The following MED28 variants were observed in gnomAD, a reference collection of about 807,000 sequenced individuals.
The protein encoded by MED28 is mediator complex subunit 28.
A neutral mutation model predicts 21.3 loss-of-function variants in MED28; 26 were observed. The ratio of observed to expected loss-of-function variants is 1.22; its 90% CI spans 0.89 to 1.69. MED28 has a LOEUF of 1.69. Ranked by LOEUF, MED28 falls within the 40% of genes most tolerant of loss-of-function variation. The pLI, the probability that MED28 is intolerant of heterozygous loss-of-function variation, is 0.00. For missense variants in MED28, 257 were observed against 215.4 expected, an observed-to-expected ratio of 1.19 and a Z score of -1.21; for synonymous variants, 110 against 87.6, an observed-to-expected ratio of 1.26 and a Z score of -1.43.
intron 2 of MED28, among the ~76,000 whole-genome samples, chr4:17,620,684 C>T (rs1399023343): frequency 7.3e-6 from 1 of 136,844 alleles, no homozygotes; most frequent in Non-Finnish European, 1.5e-5. Flanking sequence ...TGGATCTCTG[C>T]ATTGTCTCTT....
At position 17,626,232 on chromosome 4, in the gene MED28, C is replaced by G. The variant is rs1186417909; in HGVS notation, c.*2434C>G. The G allele has an allele frequency of 2.0e-5, 3 of 152,434 alleles. No homozygotes were observed. Among genetic ancestry groups the G allele is most frequent in the African/African-American group, 7.2e-5 (3 of 41,390 alleles). 9.4% of individuals were successfully genotyped at this position (152,434 alleles called of 1,614,324 possible). A position where few individuals can be genotyped will look rare whatever the true frequency, so the allele number is the denominator to read the frequency against. On this transcript the variant is annotated 3_prime_UTR_variant, in exon 4 of 4. Transcript: ENST00000237380. ...ATCCTGGGCTACAAGAGTGAAACTC[C>G]GTCTCAAAAAAGAAAAAGGAGATGT...
In MED28 at chr4:17,630,085, T is replaced by C. The variant is rs762473663; in HGVS notation, c.*6287T>C. Reference sequence around the variant, plus strand: ...GCAGCAAGAAAGGAGTCAAAACCTATGTACGATCTCAACTAGTAAAATTTT... The same window carrying C: ...GCAGCAAGAAAGGAGTCAAAACCTACGTACGATCTCAACTAGTAAAATTTT... On this transcript the variant is annotated 3_prime_UTR_variant, in exon 4 of 4. Coordinates refer to ENST00000237380, the MANE Select transcript of MED28 (RefSeq NM_025205.5). The C allele has an allele frequency of 4.6e-5, 7 of 152,216 alleles. No individual in the cohort carries two copies. The highest frequency in any genetic ancestry group is 7.2e-5 in the African/African-American group (3 of 41,456). The allele number at this position is 152,216 out of a possible 1,614,324, so 9.4% of individuals were successfully genotyped here. A position where few individuals can be genotyped will look rare whatever the true frequency, so the allele number is the denominator to read the frequency against.
At position 17,629,597 on chromosome 4, in the gene MED28, CCT is replaced by C. The variant is rs1259594057; in HGVS notation, c.*5800_*5801del. The C allele has an allele frequency of 6.6e-6, 1 of 152,086 alleles. No individual in the cohort carries two copies. The highest frequency in any genetic ancestry group is 2.4e-5 in the African/African-American group (1 of 41,396). 9.4% of individuals were successfully genotyped at this position (152,086 alleles called of 1,614,324 possible). A position where few individuals can be genotyped will look rare whatever the true frequency, so the allele number is the denominator to read the frequency against. Reference sequence around the variant, plus strand: ...GCAGGAACATATTAACTCTTCCACCCCTGTCATAATACAGCCTGAAGAGATTT... The same window carrying C: ...GCAGGAACATATTAACTCTTCCACCCGTCATAATACAGCCTGAAGAGATTT... On this transcript the variant is annotated 3_prime_UTR_variant, in exon 4 of 4. Transcript: ENST00000237380.
chr4:17,633,446 C>T lies in MED28; in HGVS notation c.*9648C>T, dbSNP rs1416457726. On this transcript the variant is annotated 3_prime_UTR_variant, in exon 4 of 4. Coordinates refer to ENST00000237380, the MANE Select transcript of MED28 (RefSeq NM_025205.5). ...ACCTGGAGAGGTCAAGTGACCTGTC[C>T]AAGGCCACAGAGCTAAGAATGAGGA... 1.5e-5 allele frequency: 6 copies of T among 391,472 alleles called. No homozygotes were observed. The highest frequency in any genetic ancestry group is 2.3e-5 in the Non-Finnish European group (5 of 219,930). 24.2% of individuals were successfully genotyped at this position (391,472 alleles called of 1,614,324 possible). A position where few individuals can be genotyped will look rare whatever the true frequency, so the allele number is the denominator to read the frequency against.
chr4:17,620,150 C>A, intron 2 of MED28, 183 bp downstream of exon 2: 1 of 601,288 alleles, frequency 1.7e-6, no homozygotes, highest in Non-Finnish European at 3.0e-6. Context: ...TGACATATCA[C>A]CCATAACGAA....
At position 17,630,390 on chromosome 4, in the gene MED28, C is replaced by A. The variant is rs1346227694; in HGVS notation, c.*6592C>A. 1 of 152,026 alleles carries A rather than the reference C, an allele frequency of 6.6e-6. No individual in the cohort carries two copies. Among genetic ancestry groups the A allele is most frequent in the Non-Finnish European group, 1.5e-5 (1 of 68,008 alleles). 9.4% of individuals were successfully genotyped at this position (152,026 alleles called of 1,614,324 possible). On this transcript the variant is annotated 3_prime_UTR_variant, in exon 4 of 4. Transcript: ENST00000237380. Reference sequence around the variant, plus strand: ...TCACCCTCATGAGTAGGATAAGTACCCTTACAAAAGAGGCTCAGGGAGGCG... The same window carrying A: ...TCACCCTCATGAGTAGGATAAGTACACTTACAAAAGAGGCTCAGGGAGGCG...
Position 17,632,256 on chromosome 4 carries a change from G to T in MED28, c.*8458G>T. 9.5e-6 allele frequency: 2 copies of T among 210,522 alleles called. No individual in the cohort carries two copies. The highest frequency in any genetic ancestry group is 2.3e-5 in the African/African-American group (1 of 43,504). 13.0% of individuals were successfully genotyped at this position (210,522 alleles called of 1,614,324 possible). A position where few individuals can be genotyped will look rare whatever the true frequency, so the allele number is the denominator to read the frequency against. ...TGCCTGGCTAATTTTTGTATATTTT[G>T]TAGAGATGGGGTTTCACCATATTGG... On this transcript the variant is annotated 3_prime_UTR_variant, in exon 4 of 4. Coordinates refer to ENST00000237380, the MANE Select transcript of MED28 (RefSeq NM_025205.5).
At chr4:17,623,547 C>A in intron 3 of MED28, 54 bp from the exon 4 acceptor site, 2 of 1,554,888 alleles carry the variant, frequency 1.3e-6, no homozygotes, top group South Asian at 1.1e-5. Flanking sequence ...TAACCAGAAC[C>A]GTATGTGTTT....
In MED28 at chr4:17,633,989, GAGA is replaced by G. The variant is rs914378209; in HGVS notation, c.*10197_*10199del. On this transcript the variant is annotated 3_prime_UTR_variant, in exon 4 of 4. Transcript: ENST00000237380. ...TGCTCACCCAATCAAAATTGTATCGGAGAAGAAGCAACAATTTCATTTATACAC... is the reference window on the plus strand; with the variant it reads ...TGCTCACCCAATCAAAATTGTATCGGAGAAGCAACAATTTCATTTATACAC... 9.3e-5 allele frequency: 87 copies of G among 930,760 alleles called. No homozygotes were observed. The African/African-American group carries it at 1.3e-3, about 14-fold the overall frequency. 57.7% of individuals were successfully genotyped at this position (930,760 alleles called of 1,614,324 possible).
intron 2 of MED28, among the ~76,000 whole-genome samples, chr4:17,621,076 G>A (rs1019179637): frequency 3.4e-5 from 5 of 148,068 alleles, no homozygotes; most frequent in African/African-American, 7.5e-5. Context: ...GTGCAGTGGC[G>A]CGATCTCGGC....
In MED28 at chr4:17,623,657, CT is replaced by C. The variant is rs1560158543; in HGVS notation, c.398del (p.Leu133Ter). 5.0e-6 allele frequency: 8 copies of C among 1,614,212 alleles called. No individual in the cohort carries two copies. Among genetic ancestry groups the C allele is most frequent in the Non-Finnish European group, 6.8e-6 (8 of 1,180,046 alleles). ...QRKDALVQKH[L>X]TKLRHWQQVL... ...GGAAAGATGCACTAGTCCAGAAGCA[CT>C]TGACAAAGCTGAGGCATTGGCAGCA... On this transcript the variant is annotated frameshift_variant, in exon 4 of 4. Transcript: ENST00000237380. LOFTEE classifies it high-confidence loss of function.
Position 17,634,084 on chromosome 4 carries a change from G to C in MED28, c.*10286G>C. The C allele has an allele frequency of 2.3e-6, 1 of 428,790 alleles. No individual in the cohort carries two copies. Among genetic ancestry groups the C allele is most frequent in the East Asian group, 3.8e-5 (1 of 26,502 alleles). 26.6% of individuals were successfully genotyped at this position (428,790 alleles called of 1,614,324 possible). ...TTTTGTATTATAAATAAATATGTAT[G>C]TTCACAACCTCTTAACCAAAACTTC... On this transcript the variant is annotated 3_prime_UTR_variant, in exon 4 of 4. Transcript: ENST00000237380.
Position 17,614,672 on chromosome 4 carries a change from G to A in MED28, c.18G>A (p.Gly6=), listed in dbSNP as rs1213175468. 1.2e-6 allele frequency: 2 copies of A among 1,612,672 alleles called. No homozygotes were observed. Among genetic ancestry groups the A allele is most frequent in the East Asian group, 2.2e-5 (1 of 44,866 alleles). MAAPL[G]GMFSGQPPGP... is the part of the protein sequence containing the mutation. Reference sequence around the variant, plus strand: ...TTCCAAACATGGCGGCTCCACTAGGGGGTATGTTTTCTGGGCAGCCACCCG... The same window carrying A: ...TTCCAAACATGGCGGCTCCACTAGGAGGTATGTTTTCTGGGCAGCCACCCG... Residue 6 remains glycine, a synonymous_variant, in exon 1 of 4, where the codon GGG becomes GGA. Transcript: ENST00000237380.
chr4:17,624,555 T>A lies in MED28; in HGVS notation c.*757T>A, dbSNP rs201568547. Reference sequence around the variant, plus strand: ...TGAATCTGTTTAATGGGTCAGTCACTGTTTTCAGTAGCATGACAGTGGGGT... The same window carrying A: ...TGAATCTGTTTAATGGGTCAGTCACAGTTTTCAGTAGCATGACAGTGGGGT... On this transcript the variant is annotated 3_prime_UTR_variant, in exon 4 of 4. Coordinates refer to ENST00000237380, the MANE Select transcript of MED28 (RefSeq NM_025205.5). 2.7e-5 allele frequency: 1 copy of A among 36,730 alleles called. No homozygotes were observed. The highest frequency in any genetic ancestry group is 9.7e-5 in the Non-Finnish European group (1 of 10,270). The allele number at this position is 36,730 out of a possible 1,614,324, so 2.3% of individuals were successfully genotyped here. A position where few individuals can be genotyped will look rare whatever the true frequency, so the allele number is the denominator to read the frequency against.
At chr4:17,619,010 A>C (rs760571717) in intron 1 of MED28, among the ~76,000 whole-genome samples, 3 of 152,146 alleles carry the variant, frequency 2.0e-5, no homozygotes, top group Non-Finnish European at 2.9e-5. Flanking sequence ...CCTCACACCA[A>C]GTGTAGTTTG....
chr4:17,616,347 A>G (rs2108914905), intron 1 of MED28, among the ~76,000 whole-genome samples: 1 of 152,312 alleles, frequency 6.6e-6, no homozygotes, highest in Non-Finnish European at 1.5e-5. Context: ...GGGCTGGTGA[A>G]CTTTAGAGCA....
At position 17,634,051 on chromosome 4, in the gene MED28, A is replaced by T. The variant is rs1362301538; in HGVS notation, c.*10253A>T. ...TATTTTTTAAAGCACTTTTCCCTCC[A>T]ATCTTCATTTTGTATTATAAATAAA... On this transcript the variant is annotated 3_prime_UTR_variant, in exon 4 of 4. Coordinates refer to ENST00000237380, the MANE Select transcript of MED28 (RefSeq NM_025205.5). 4.0e-6 allele frequency: 2 copies of T among 500,948 alleles called. No homozygotes were observed. Among genetic ancestry groups the T allele is most frequent in the African/African-American group, 4.0e-5 (2 of 49,952 alleles). The allele number at this position is 500,948 out of a possible 1,614,324, so 31.0% of individuals were successfully genotyped here. A position where few individuals can be genotyped will look rare whatever the true frequency, so the allele number is the denominator to read the frequency against.
chr4:17,628,864 C>G lies in MED28; in HGVS notation c.*5066C>G, dbSNP rs1714844779. ...ACCAGTGGTACCCTGGGAAAATATC[C>G]CTGTGGAGGGGAATGGGAGGAGTCA... On this transcript the variant is annotated 3_prime_UTR_variant, in exon 4 of 4. Coordinates refer to ENST00000237380, the MANE Select transcript of MED28 (RefSeq NM_025205.5). 6.6e-6 allele frequency: 1 copy of G among 152,302 alleles called. No individual in the cohort carries two copies. The highest frequency in any genetic ancestry group is 2.4e-5 in the African/African-American group (1 of 41,412). The allele number at this position is 152,302 out of a possible 1,614,324, so 9.4% of individuals were successfully genotyped here. A position where few individuals can be genotyped will look rare whatever the true frequency, so the allele number is the denominator to read the frequency against.
chr4:17,614,675 T>C lies in MED28; in HGVS notation c.21T>C (p.Gly7=), dbSNP rs747527587. 22 of 1,608,980 alleles carry C rather than the reference T, an allele frequency of 1.4e-5. No individual in the cohort carries two copies. The highest frequency in any genetic ancestry group is 1.7e-4 in the Middle Eastern group (1 of 5,806). Residue 7 remains glycine, a synonymous_variant, in exon 1 of 4, where the codon GGT becomes GGC. Transcript: ENST00000237380. ...CAAACATGGCGGCTCCACTAGGGGG[T>C]ATGTTTTCTGGGCAGCCACCCGGTC... MAAPLG[G]MFSGQPPGPP... is the part of the protein sequence containing the mutation.
Sources: allele counts gnomAD v4.1 joint callset (sites outside exome capture counted in the v4.1 genomes callset), GRCh38; gene constraint gnomAD v4.1.1; transcripts MANE v1.5; gene names NCBI Gene and HGNC (gene_info 2026-07-23, HGNC 2026-07-21).